The following HLCS variants were observed in gnomAD, a reference collection of about 807,000 sequenced individuals.
HLCS encodes holocarboxylase synthetase, also known as biotin--protein ligase.
A neutral mutation model predicts 75.0 loss-of-function variants in HLCS; 53 were observed. The observed-to-expected ratio is 0.71, with a 90% CI of 0.57 to 0.89. The LOEUF is 0.89. Among genes scored for constraint, HLCS ranks in the 40% least tolerant of loss-of-function variants. HLCS has a pLI of 0.00. For synonymous variants in HLCS, 431 were observed against 428.6 expected (o/e 1.01, Z -0.07); for missense variants, 966 against 1,074.0 (o/e 0.90, Z 1.41).
At chr21:36,881,782 A>G (rs966397071) in intron 6 of HLCS, among the ~76,000 whole-genome samples, 1 of 152,172 alleles carries the variant, frequency 6.6e-6, no homozygotes, top group African/African-American at 2.4e-5. Flanking sequence ...TACCCTGAGG[A>G]ACCTGGCCTC....
intron 6 of HLCS, among the ~76,000 whole-genome samples, chr21:36,807,729 C>T (rs1300679127): frequency 6.6e-6 from 1 of 152,174 alleles, no homozygotes; most frequent in Non-Finnish European, 1.5e-5. Flanking sequence ...TTCTGTGGAT[C>T]CGGCTGGACG....
At chr21:36,867,438 C>T (rs769191888) in intron 6 of HLCS, among the ~76,000 whole-genome samples, 17 of 152,228 alleles carry the variant, frequency 1.1e-4, no homozygotes, top group Non-Finnish European at 2.2e-4. Flanking sequence ...CTACTTTCCC[C>T]TTCTTGGCAA....
intron 1 of HLCS, among the ~76,000 whole-genome samples, chr21:36,978,976 GAA>G (rs11326506): frequency 6.6e-6 from 1 of 151,166 alleles, no homozygotes; most frequent in South Asian, 2.1e-4. Context: ...CTGCTTAAAA[GAA>G]AAAAAAATTG....
intron 5 of HLCS, among the ~76,000 whole-genome samples, chr21:36,909,594 A>C (rs758728105): frequency 5.3e-5 from 8 of 152,154 alleles, no homozygotes; most frequent in Admixed American, 2.0e-4. Context: ...GTGTCTCGCC[A>C]CTTTATTTAT....
intron 6 of HLCS, among the ~76,000 whole-genome samples, chr21:36,833,054 G>T (rs1361074347): frequency 6.6e-6 from 1 of 151,326 alleles, no homozygotes; most frequent in Non-Finnish European, 1.5e-5. Context: ...TTTTTTTTAG[G>T]CAAGGTCACC....
At chr21:36,853,655 T>A (rs2063089109) in intron 6 of HLCS, among the ~76,000 whole-genome samples, 2 of 152,340 alleles carry the variant, frequency 1.3e-5, no homozygotes, top group South Asian at 4.1e-4. Flanking sequence ...GTCTCTTAAC[T>A]ATCCTTCAGA....
chr21:36,964,845 A>G (rs995428483), intron 1 of HLCS, among the ~76,000 whole-genome samples: 2 of 152,368 alleles, frequency 1.3e-5, no homozygotes, highest in Admixed American at 1.3e-4. Context: ...TCTGACTTAA[A>G]TCCTAAATGT....
intron 6 of HLCS, among the ~76,000 whole-genome samples, chr21:36,895,538 C>A (rs2064979335): frequency 6.6e-6 from 1 of 152,138 alleles, no homozygotes; most frequent in African/African-American, 2.4e-5. Context: ...TCCCAGCCTG[C>A]CCCCATTGCT....
intron 6 of HLCS, among the ~76,000 whole-genome samples, chr21:36,893,067 A>T (rs1019816493): frequency 6.6e-6 from 1 of 151,742 alleles, no homozygotes; most frequent in African/African-American, 2.4e-5. Flanking sequence ...GAGCCACAAA[A>T]AAAGTATCCC....
At chr21:36,895,757 C>A (rs1397097826) in intron 6 of HLCS, among the ~76,000 whole-genome samples, 1 of 152,174 alleles carries the variant, frequency 6.6e-6, no homozygotes, top group African/African-American at 2.4e-5. Flanking sequence ...TCTGTCTAAT[C>A]ATGTGGTCCC....
chr21:36,771,996 CA>C (rs398061730), intron 6 of HLCS, among the ~76,000 whole-genome samples: 27 of 107,314 alleles, frequency 2.5e-4, no homozygotes, highest in Non-Finnish European at 2.0e-4. Context: ...GACTCCAACT[CA>C]AAAAAAAAAA....
At chr21:36,870,691 CAT>C (rs1183700628) in intron 6 of HLCS, among the ~76,000 whole-genome samples, 1 of 152,128 alleles carries the variant, frequency 6.6e-6, no homozygotes, top group Non-Finnish European at 1.5e-5. Flanking sequence ...CAAAACATCA[CAT>C]GAGGAAAAAT....
chr21:36,927,514 A>C (rs1183735992), intron 5 of HLCS, among the ~76,000 whole-genome samples: 2 of 152,234 alleles, frequency 1.3e-5, no homozygotes, highest in Non-Finnish European at 2.9e-5. Context: ...CTGTGTAAAC[A>C]CAGCTGGTAC....
intron 5 of HLCS, among the ~76,000 whole-genome samples, chr21:36,927,330 C>T (rs1264262903): frequency 6.6e-6 from 1 of 152,206 alleles, no homozygotes; most frequent in Non-Finnish European, 1.5e-5. Flanking sequence ...GTCTGGGTGT[C>T]GATGAAGGTC....
intron 6 of HLCS, among the ~76,000 whole-genome samples, chr21:36,834,270 G>T (rs928121117): frequency 2.6e-5 from 4 of 152,232 alleles, no homozygotes; most frequent in Non-Finnish European, 5.9e-5. Flanking sequence ...TGAGGTTCCA[G>T]ATTCCAAATG....
At chr21:36,847,266 T>A (rs568100820) in intron 6 of HLCS, among the ~76,000 whole-genome samples, 2 of 152,324 alleles carry the variant, frequency 1.3e-5, no homozygotes, top group South Asian at 2.1e-4. Flanking sequence ...AATCCTTTTT[T>A]AAAAATCAAG....
At chr21:36,923,556 T>C (rs902057860) in intron 5 of HLCS, among the ~76,000 whole-genome samples, 2 of 152,024 alleles carry the variant, frequency 1.3e-5, no homozygotes, top group Non-Finnish European at 2.9e-5. Context: ...CAAAACTAAT[T>C]AAACGTGGAA....
At chr21:36,755,758 G>A (rs757228285) in intron 10 of HLCS, among the ~76,000 whole-genome samples, 1 of 152,258 alleles carries the variant, frequency 6.6e-6, no homozygotes, top group Admixed American at 6.5e-5. Context: ...GAATCAGTGA[G>A]CGGTCCTCGG....
intron 6 of HLCS, among the ~76,000 whole-genome samples, chr21:36,825,641 C>T (rs2061984410): frequency 6.6e-6 from 1 of 152,160 alleles, no homozygotes; most frequent in Non-Finnish European, 1.5e-5. Flanking sequence ...ACCCCCGCCC[C>T]AGGACTCTGG....
Sources: gnomAD v4.1 joint callset for allele counts (sites outside exome capture counted in the v4.1 genomes callset) on GRCh38, gnomAD v4.1.1 for gene constraint, MANE v1.5 for transcripts, NCBI Gene and HGNC (gene_info 2026-07-23, HGNC 2026-07-21) for gene names.